The following MMP20 variants were observed in gnomAD, a reference collection of about 807,000 sequenced individuals.
MMP20 encodes matrix metalloproteinase-20.
A neutral mutation model predicts 51.8 loss-of-function variants in MMP20; 50 were observed. The observed-to-expected ratio is 0.97, with a 90% CI of 0.77 to 1.22. The LOEUF (loss-of-function observed/expected upper bound fraction) is 1.22. Among genes scored for constraint, MMP20 ranks in the 50% most tolerant of loss-of-function variants. The pLI, the probability that MMP20 is intolerant of heterozygous loss-of-function variation, is 0.00. For missense variants in MMP20, 663 were observed against 601.4 expected, an observed-to-expected ratio of 1.10 and a Z score of -1.07; for synonymous variants, 244 against 216.2, an observed-to-expected ratio of 1.13 and a Z score of -1.13.
At chr11:102,620,308 T>C (rs1217325071) in intron 1 of MMP20, among the ~76,000 whole-genome samples, 3 of 152,230 alleles carry the variant, frequency 2.0e-5, no homozygotes, top group African/African-American at 4.8e-5. Flanking sequence ...CTTGCTAAAG[T>C]TACTGACAAG....
intron 6 of MMP20, among the ~76,000 whole-genome samples, chr11:102,599,074 G>A (rs180845515): frequency 8.1e-5 from 12 of 148,534 alleles, no homozygotes; most frequent in Middle Eastern, 3.5e-3. Flanking sequence ...GTGCAGCGGC[G>A]CAATCTCAGC....
intron 6 of MMP20, among the ~76,000 whole-genome samples, chr11:102,597,789 T>C (rs111858783): frequency 0.029 from 4,397 of 152,246 alleles, 213 homozygotes; most frequent in African/African-American, 0.1. Flanking sequence ...TTTTTTGAGA[T>C]GGAGTTTCAC....
chr11:102,615,695 C>G (rs529602294), intron 2 of MMP20, among the ~76,000 whole-genome samples: 1 of 152,286 alleles, frequency 6.6e-6, no homozygotes, highest in African/African-American at 2.4e-5. Context: ...CTGCTGCAGC[C>G]GCATGCACTA....
At chr11:102,590,619 C>G (rs1197026208) in intron 8 of MMP20, among the ~76,000 whole-genome samples, 1 of 152,198 alleles carries the variant, frequency 6.6e-6, no homozygotes, top group African/African-American at 2.4e-5. Flanking sequence ...ACTTACGTCA[C>G]AGACTGAACT....
chr11:102,610,378 G>T lies in MMP20; in HGVS notation c.524-348C>A, dbSNP rs368090023. On this transcript the variant is annotated intron_variant, in intron 3 of 9. Transcript: ENST00000260228. ...CGACTGGGGCGGGGCGGGGCGGCGG[G>T]GGGGCGGCATTCGATAGCAAAACCT... Among the ~76,000 whole-genome samples the T allele has an allele frequency of 4.0e-4, 61 of 152,166 alleles. 1 individual carries two copies. The East Asian group carries it at 0.011, about 28-fold the overall frequency.
chr11:102,620,175 G>A (rs911801612), intron 1 of MMP20, among the ~76,000 whole-genome samples: 1 of 152,108 alleles, frequency 6.6e-6, no homozygotes, highest in African/African-American at 2.4e-5. Flanking sequence ...TCAGTTCTAG[G>A]CTCAGAGTAG....
At chr11:102,586,752 G>A (rs1367564559) in intron 8 of MMP20, among the ~76,000 whole-genome samples, 2 of 152,040 alleles carry the variant, frequency 1.3e-5, no homozygotes, top group Non-Finnish European at 2.9e-5. Context: ...GGGAGGCGGA[G>A]CTTGCAGTGA....
At position 102,608,892 on chromosome 11, in the gene MMP20, C is replaced by T. The variant is rs376497584; in HGVS notation, c.811+45G>A. 7.5e-6 allele frequency: 12 copies of T among 1,593,348 alleles called. No individual in the cohort carries two copies. The African/African-American group carries it at 1.5e-4, about 20-fold the overall frequency. On this transcript the variant is annotated intron_variant, in intron 5 of 9. Transcript: ENST00000260228. ...CTTTCTTTAATTCGGAGACTGAATG[C>T]CTGCCAATTTCAGGGTGAGTCATCA... is the stretch of plus-strand genomic sequence containing the variant.
intron 8 of MMP20, among the ~76,000 whole-genome samples, chr11:102,591,201 C>A (rs745336008): frequency 2.6e-5 from 4 of 152,132 alleles, no homozygotes; most frequent in Non-Finnish European, 2.9e-5. Context: ...AACTTTTGAG[C>A]TATAGGTGAG....
rs527826986 is a variant in MMP20, at chr11:102,608,893, C to T, written c.811+44G>A. On this transcript the variant is annotated intron_variant, in intron 5 of 9. Transcript: ENST00000260228. ...TTTCTTTAATTCGGAGACTGAATGC[C>T]TGCCAATTTCAGGGTGAGTCATCAA... is the stretch of plus-strand genomic sequence containing the variant. The T allele has an allele frequency of 2.4e-5, 38 of 1,597,350 alleles. No homozygotes were observed. In the African/African-American group the frequency reaches 4.3e-4, roughly 18 times the overall value.
intron 8 of MMP20, among the ~76,000 whole-genome samples, chr11:102,591,641 G>C (rs759485838): frequency 6.6e-5 from 10 of 152,152 alleles, no homozygotes; most frequent in Non-Finnish European, 1.2e-4. Context: ...TAACATTTTA[G>C]TTAATGCCCT....
chr11:102,619,252 G>T (rs1859716802), intron 1 of MMP20, among the ~76,000 whole-genome samples: 1 of 152,086 alleles, frequency 6.6e-6, no homozygotes, highest in Admixed American at 6.6e-5. Context: ...TAAGCTCCAT[G>T]TATAAGACCA....
At chr11:102,618,533 T>C (rs1318557907) in intron 1 of MMP20, among the ~76,000 whole-genome samples, 1 of 151,878 alleles carries the variant, frequency 6.6e-6, no homozygotes, top group Non-Finnish European at 1.5e-5. Context: ...GTACTAGGCC[T>C]CTACTAAGAT....
chr11:102,593,500 C>T lies in MMP20; in HGVS notation c.1186G>A (p.Ala396Thr). Residue 396 changes from alanine (A) to threonine (T), a missense_variant, in exon 8 of 10, where the codon GCT becomes ACT. Transcript: ENST00000260228. ...TGTGGCTCCCTGAGGTAGACAGCAG[C>T]ATCTATTTGCTGCACGTGCCTTGGA... ...GFPRHVQQID[A>T]AVYLREPQKT... 1.2e-6 allele frequency: 2 copies of T among 1,614,178 alleles called. No homozygotes were observed. The highest frequency in any genetic ancestry group is 1.7e-6 in the Non-Finnish European group (2 of 1,180,004).
intron 1 of MMP20, among the ~76,000 whole-genome samples, chr11:102,620,478 C>G (rs1859736010): frequency 6.6e-6 from 1 of 150,722 alleles, no homozygotes; most frequent in African/African-American, 2.4e-5. Flanking sequence ...TGTCCCATTT[C>G]CCTCCAATCT....
intron 8 of MMP20, among the ~76,000 whole-genome samples, chr11:102,592,722 G>A (rs542400752): frequency 1.3e-5 from 2 of 152,296 alleles, no homozygotes; most frequent in East Asian, 3.9e-4. Context: ...AGGCAAAAAA[G>A]AGAAAACTGG....
At chr11:102,615,867 A>T (rs944669624) in intron 2 of MMP20, among the ~76,000 whole-genome samples, 1 of 152,104 alleles carries the variant, frequency 6.6e-6, no homozygotes, top group African/African-American at 2.4e-5. Context: ...ACCTGCACCC[A>T]TCTGTCATGC....
At position 102,619,330 on chromosome 11, in the gene MMP20, T is replaced by C. The variant is rs74794388; in HGVS notation, c.127-2271A>G. 4.5e-3 allele frequency among the ~76,000 whole-genome samples: 679 copies of C among 152,320 alleles called. 3 individuals carry two copies. The highest frequency in any genetic ancestry group is 0.012 in the African/African-American group (508 of 41,566). ...TCTCCTGTTAGGTTATGTATTACAC[T>C]CTACATTCTAGTTTTTGTTTCACAA... On this transcript the variant is annotated intron_variant, in intron 1 of 9. Transcript: ENST00000260228.
chr11:102,612,038 G>A (rs918332698), intron 2 of MMP20, 135 bp from the exon 3 acceptor site: 2 of 863,432 alleles, frequency 2.3e-6, no homozygotes, highest in African/African-American at 1.7e-5. Context: ...TTCTTATTTT[G>A]CTTTATTATA....
Sources: allele counts gnomAD v4.1 joint callset (sites outside exome capture counted in the v4.1 genomes callset), GRCh38; gene constraint gnomAD v4.1.1; transcripts MANE v1.5; gene names NCBI Gene and HGNC (gene_info 2026-07-23, HGNC 2026-07-21).